The following PAXBP1 variants were observed in gnomAD, a reference collection of about 807,000 sequenced individuals.
The protein encoded by PAXBP1 is PAX3- and PAX7-binding protein 1.
A neutral mutation model predicts 119.9 loss-of-function variants in PAXBP1; 44 were observed. The ratio of observed to expected loss-of-function variants is 0.37; its 90% confidence interval spans 0.29 to 0.47. The LOEUF (loss-of-function observed/expected upper bound fraction) is 0.47. Ranked by LOEUF, PAXBP1 falls within the 20% of genes least tolerant of loss-of-function variation. The pLI is 0.99. For missense variants in PAXBP1, 898 were observed against 1,134.1 expected (o/e 0.79, Z 2.99); for synonymous variants, 393 against 406.6 (o/e 0.97, Z 0.40).
rs774269730 is a variant in PAXBP1 at position 32,759,830 on chromosome 21, A to C, written c.1140T>G (p.Ser380Arg). Residue 380 changes from serine to arginine, a missense_variant, in exon 6 of 18, where the codon AGT becomes AGG. Ser to Arg is a moderately radical substitution (Grantham distance 110, BLOSUM62 -1). Coordinates refer to ENST00000331923, the MANE Select transcript of PAXBP1 (RefSeq NM_016631.4). ...CAATAGTAACGGGAGTCATCTCATT[A>C]CTGGGAGTTTTGAAAGGGACTGTAT... ...TDNTVPFKTP[S>R]NEMTPVTIDL... 2 of 1,614,074 alleles carry C rather than the reference A, an allele frequency of 1.2e-6. No homozygotes were observed. Among genetic ancestry groups the C allele is most frequent in the Admixed American group, 3.3e-5 (2 of 60,016 alleles).
intron 15 of PAXBP1, among the ~76,000 whole-genome samples, chr21:32,738,977 C>T (rs2043733396): frequency 6.6e-6 from 1 of 152,188 alleles, no homozygotes; most frequent in Non-Finnish European, 1.5e-5. Context: ...CCACGACCAT[C>T]CAGTCTGTCC....
intron 5 of PAXBP1, among the ~76,000 whole-genome samples, chr21:32,760,722 G>T (rs1249129184): frequency 6.6e-6 from 1 of 152,098 alleles, no homozygotes; most frequent in Non-Finnish European, 1.5e-5. Context: ...GTCTCTGGGG[G>T]CTGATAATTT....
In PAXBP1 at chr21:32,771,562, G is replaced by A. The variant is rs911285648; in HGVS notation, c.107C>T (p.Pro36Leu). 3 of 1,422,780 alleles carry A rather than the reference G, an allele frequency of 2.1e-6. No individual in the cohort carries two copies. Among genetic ancestry groups the A allele is most frequent in the Non-Finnish European group, 2.7e-6 (3 of 1,091,738 alleles). The allele number at this position is 1,422,780 out of a possible 1,614,324, so 88.1% of individuals were successfully genotyped here. A position where few individuals can be genotyped will look rare whatever the true frequency, so the allele number is the denominator to read the frequency against. ...GGGGCCCGCCTCTTCGCCCGTGCCCGGCGGCGGCAACAACGGCGGCGGCTC... is the reference window on the plus strand; with the variant it reads ...GGGGCCCGCCTCTTCGCCCGTGCCCAGCGGCGGCAACAACGGCGGCGGCTC... Reference protein sequence around the residue: ...EQEPPPLLPPPGTGEEAGPGG... With the variant: ...EQEPPPLLPPLGTGEEAGPGG... The change falls in exon 1 of 18, where the codon CCG (proline) becomes CTG (leucine). Residue 36 changes from proline to leucine, a missense_variant. Physicochemically the swap from Pro to Leu is moderately conservative, Grantham distance 98. Coordinates refer to ENST00000331923, the MANE Select transcript of PAXBP1 (RefSeq NM_016631.4).
rs1811507986 is a variant in PAXBP1, at chr21:32,734,089, G to A, written c.*861C>T. On this transcript the variant is annotated 3_prime_UTR_variant, in exon 18 of 18. Transcript: ENST00000331923. ...TATAGAAGACCATGGATATTAAATT[G>A]CCTGGGTGTGGCTAATCAGCAAGGC... 1 of 152,572 alleles carries A rather than the reference G, an allele frequency of 6.6e-6. No homozygotes were observed. Among genetic ancestry groups the A allele is most frequent in the African/African-American group, 2.4e-5 (1 of 41,446 alleles). The allele number at this position is 152,572 out of a possible 1,614,324, so 9.5% of individuals were successfully genotyped here.
chr21:32,762,134 T>G lies in PAXBP1; in HGVS notation c.833A>C (p.Lys278Thr), dbSNP rs1381539879. The G allele has an allele frequency of 1.2e-6, 2 of 1,614,224 alleles. No homozygotes were observed. Among genetic ancestry groups the G allele is most frequent in the South Asian group, 1.1e-5 (1 of 91,086 alleles). ...AATTTTTTGTCTTTGTGACTTTTCT[T>G]TCACAGAAAAAACTATCCGGCGTTT... The part of the protein sequence containing the change: ...DEKRRIVFSV[K>T]EKSQRQKIAE... Residue 278 changes from lysine (K) to threonine (T), a missense_variant, in exon 4 of 18, where the codon AAA becomes ACA. Around this residue, in one of 2 missense-constraint regions of PAXBP1, gnomAD observed 599 missense variants for 852.7 expected, o/e 0.70. Coordinates refer to ENST00000331923, the MANE Select transcript of PAXBP1 (RefSeq NM_016631.4).
In PAXBP1 at chr21:32,737,392, G is replaced by A; in HGVS notation, c.2498C>T (p.Pro833Leu). The A allele has an allele frequency of 6.2e-7, 1 of 1,600,594 alleles. No homozygotes were observed. The highest frequency in any genetic ancestry group is 8.5e-7 in the Non-Finnish European group (1 of 1,175,566). The change falls in exon 17 of 18, where the codon CCC (proline) becomes CTC (leucine). Residue 833 changes from proline (P) to leucine (L), a missense_variant. Transcript: ENST00000331923. Reference sequence around the variant, plus strand: ...TTTCAGATTCATGAACCATTGTTTGGGGAAACAATTGATTACCTGTGGAGA... The same window carrying A: ...TTTCAGATTCATGAACCATTGTTTGAGGAAACAATTGATTACCTGTGGAGA... ...KKAQNVINCF[P>L]KQWFMNLKGE...
chr21:32,745,113 G>A (rs1006553701), intron 12 of PAXBP1, among the ~76,000 whole-genome samples, 200 bp from the exon 13 acceptor site: 2 of 152,096 alleles, frequency 1.3e-5, no homozygotes, highest in Non-Finnish European at 2.9e-5. Context: ...CTTATTTCTG[G>A]TACTCAGGGA....
rs1484968668 is a variant in PAXBP1 at position 32,744,811 on chromosome 21, G to T, written c.2171C>A (p.Ala724Glu). The change falls in exon 13 of 18, where the codon GCA becomes GAA. Residue 724 changes from alanine (A) to glutamate (E), a missense_variant. Transcript: ENST00000331923. ...LINGYPSVVN[A>E]ENKNTQVYLK... ...AATTACCTGTGTATTTTTATTTTCT[G>T]CATTCACTACTGAAGGATATCCATT... 5 of 1,581,192 alleles carry T rather than the reference G, an allele frequency of 3.2e-6. No homozygotes were observed. Among genetic ancestry groups the T allele is most frequent in the African/African-American group, 2.8e-5 (2 of 72,484 alleles).
Position 32,755,310 on chromosome 21 carries a change from T to C in PAXBP1, c.1427A>G (p.Tyr476Cys). 2 of 1,613,688 alleles carry C rather than the reference T, an allele frequency of 1.2e-6. No individual in the cohort carries two copies. The change falls in exon 8 of 18, where the codon TAC (tyrosine) becomes TGC (cysteine). Residue 476 changes from tyrosine (Y) to cysteine (C), a missense_variant. This residue lies in a region of PAXBP1 where 599 missense variants were observed against 852.7 expected (regional missense o/e 0.70). Transcript: ENST00000331923. ...NELESAIHQL[Y>C]KQRASRLVQR... ...GACAAGGCGGGAAGCTCGCTGTTTG[T>C]ACAGCTGATGTATTGCTGATTCAAG...
intron 8 of PAXBP1, among the ~76,000 whole-genome samples, chr21:32,752,956 T>C (rs2043980841): frequency 6.6e-6 from 1 of 151,578 alleles, no homozygotes; most frequent in Non-Finnish European, 1.5e-5. Flanking sequence ...TTTTACTGAG[T>C]TTTTCATTCA....
intron 7 of PAXBP1, chr21:32,756,449 C>T (rs2044043987): frequency 2.1e-6 from 1 of 486,618 alleles, no homozygotes; most frequent in Non-Finnish European, 4.0e-6. Context: ...TGCATGATTC[C>T]ATTGCAAAAG....
intron 8 of PAXBP1, 131 bp from the exon 9 acceptor site, chr21:32,751,349 C>G (rs2043956389): frequency 2.7e-6 from 2 of 738,814 alleles, no homozygotes; most frequent in Non-Finnish European, 2.2e-6. Context: ...AACTGGTAAA[C>G]CAGGTAGGTT....
chr21:32,753,485 T>C (rs2043995077), intron 8 of PAXBP1, among the ~76,000 whole-genome samples: 1 of 151,658 alleles, frequency 6.6e-6, no homozygotes, highest in African/African-American at 2.4e-5. Context: ...ATAGGTTTTG[T>C]AAAATGTGCA....
intron 7 of PAXBP1, among the ~76,000 whole-genome samples, chr21:32,757,897 G>A (rs1324093227): frequency 2.6e-5 from 4 of 152,194 alleles, no homozygotes; most frequent in Non-Finnish European, 5.9e-5. Flanking sequence ...TCCCGGCACA[G>A]AGGAATACAG....
rs2043665052 is a variant in PAXBP1 at position 32,734,514 on chromosome 21, G to A, written c.*436C>T. ...CCAGCCCTTTTGTTACAACAGTGTA[G>A]TAATTTCCCTAAGACAATTTGCTAC... On this transcript the variant is annotated 3_prime_UTR_variant, in exon 18 of 18. Coordinates refer to ENST00000331923, the MANE Select transcript of PAXBP1 (RefSeq NM_016631.4). 1.1e-5 allele frequency: 2 copies of A among 186,282 alleles called. No homozygotes were observed. The highest frequency in any genetic ancestry group is 2.1e-4 in the South Asian group (2 of 9,608). 11.5% of individuals were successfully genotyped at this position (186,282 alleles called of 1,614,324 possible).
rs1327292559 is a variant in PAXBP1, at chr21:32,745,323, C to G, written c.2068+251G>C. Among the ~76,000 whole-genome samples the G allele has an allele frequency of 2.0e-5, 3 of 152,198 alleles. No homozygotes were observed. The East Asian group carries it at 5.8e-4, about 29-fold the overall frequency. ...CCTCAAACTCTGTATAATTTTGCTT[C>G]AGTCAGTCTTTGAATTTCTAAACCT... On this transcript the variant is annotated intron_variant, in intron 12 of 17. Coordinates refer to ENST00000331923, the MANE Select transcript of PAXBP1 (RefSeq NM_016631.4).
At chr21:32,755,432 T>C in intron 7 of PAXBP1, 79 bp from the exon 8 acceptor site, 1 of 1,553,146 alleles carries the variant, frequency 6.4e-7, no homozygotes, top group Non-Finnish European at 8.7e-7. Flanking sequence ...TATTTCCGGA[T>C]TTCTGAAAAA....
At chr21:32,767,318 C>T (rs1429027998) in intron 2 of PAXBP1, among the ~76,000 whole-genome samples, 1 of 152,056 alleles carries the variant, frequency 6.6e-6, no homozygotes, top group Non-Finnish European at 1.5e-5. Context: ...TCAGTGTTAC[C>T]AATGACAACC....
At chr21:32,763,539 T>A (rs1339933182) in intron 3 of PAXBP1, among the ~76,000 whole-genome samples, 2 of 152,268 alleles carry the variant, frequency 1.3e-5, no homozygotes, top group East Asian at 3.8e-4. Flanking sequence ...AGCATATTTT[T>A]AAATTGTATA....
Sources: allele counts gnomAD v4.1 joint callset (sites outside exome capture counted in the v4.1 genomes callset), GRCh38; gene constraint gnomAD v4.1.1; regional missense constraint gnomAD v4.1.1; transcripts MANE v1.5; gene names NCBI Gene and HGNC (gene_info 2026-07-23, HGNC 2026-07-21).